Variants in ZNF195 observed in about 807,000 individuals in gnomAD.
ZNF195 encodes the protein zinc finger protein 195, also known as hypoxia-regulated factor-1.
In ZNF195, 11 loss-of-function variants were observed where a neutral mutation model predicts 19.5. The observed-to-expected ratio is 0.57, with a 90% CI of 0.36 to 0.94. The LOEUF is 0.94. ZNF195 is among the 40% of genes least tolerant of loss of function. The pLI is 0.01. For missense variants in ZNF195, 582 were observed against 709.0 expected (o/e 0.82, Z 2.03); for synonymous variants, 214 against 248.1 (o/e 0.86, Z 1.29).
chr11:3,359,123 T>C lies in ZNF195; in HGVS notation c.1885A>G (p.Thr629Ala), dbSNP rs781066718. Residue 629 changes from threonine to alanine, a missense_variant, in exon 6 of 6, where the codon ACT (threonine) becomes GCT (alanine). Physicochemically the swap from Thr to Ala is moderately conservative, Grantham distance 58. This residue lies in a region of ZNF195 where 407 missense variants were observed against 530.5 expected (regional missense o/e 0.77). Transcript: ENST00000399602. The surrounding 1 kb of genome is among the most constrained non-coding windows in gnomAD (Gnocchi z 5.5). ...SHLTVHESIHT is the reference protein window; with the variant it reads ...SHLTVHESIHA ...TATATTTGTTTATTTTTTTCTCAAG[T>C]ATGAATGCTTTCATGTACAGTCAGG... The C allele has an allele frequency of 6.5e-7, 1 of 1,548,604 alleles. No homozygotes were observed. The highest frequency in any genetic ancestry group is 8.7e-7 in the Non-Finnish European group (1 of 1,150,708).
At chr11:3,368,260 G>A (rs1480192423) in intron 3 of ZNF195, among the ~76,000 whole-genome samples, 3 of 152,176 alleles carry the variant, frequency 2.0e-5, no homozygotes, top group South Asian at 2.1e-4. Context: ...TGGACCCTGG[G>A]TTATATATTC....
At position 3,359,494 on chromosome 11, in the gene ZNF195, T is replaced by G; in HGVS notation, c.1514A>C (p.Gln505Pro). The change falls in exon 6 of 6, where the codon CAG (glutamine) becomes CCG (proline). Residue 505 changes from glutamine (Q) to proline (P), a missense_variant. This residue lies in a region of ZNF195 where 407 missense variants were observed against 530.5 expected (regional missense o/e 0.77). Transcript: ENST00000399602. This position sits in a 1 kb window ranked among gnomAD's most constrained non-coding sequence, Gnocchi z 5.5. ...CTTATGCTTAGTGAGGTCTGATAAC[T>G]GCTTAAAGATGTTGCCACATTCTTC... ...TCEECGNIFKQLSDLTKHKKT... is the reference protein window; with the variant it reads ...TCEECGNIFKPLSDLTKHKKT... The G allele has an allele frequency of 5.0e-6, 8 of 1,614,166 alleles. No individual in the cohort carries two copies. Among genetic ancestry groups the G allele is most frequent in the Non-Finnish European group, 6.8e-6 (8 of 1,180,012 alleles).
chr11:3,377,565 G>A (rs7932797), intron 1 of ZNF195: 1,075,717 of 1,088,448 alleles, frequency 0.99, 531,596 homozygotes, highest in East Asian at 1. Context: ...TGTGTCTCCA[G>A]GGATTGAAAG....
At chr11:3,371,468 G>C in intron 2 of ZNF195, 109 bp downstream of exon 2, 1 of 1,405,366 alleles carries the variant, frequency 7.1e-7, no homozygotes, top group Non-Finnish European at 9.8e-7. Context: ...TAAAAGCAGG[G>C]ATCTGAAACT....
rs1849619411 is a variant in ZNF195, at chr11:3,379,019, G to T, written c.3+19C>A. 3 of 1,457,898 alleles carry T rather than the reference G, an allele frequency of 2.1e-6. No individual in the cohort carries two copies. Among genetic ancestry groups the T allele is most frequent in the Non-Finnish European group, 2.7e-6 (3 of 1,092,004 alleles). 90.3% of individuals were successfully genotyped at this position (1,457,898 alleles called of 1,614,324 possible). A position where few individuals can be genotyped will look rare whatever the true frequency, so the allele number is the denominator to read the frequency against. ...TCCGCCCCTCCCTGTCTCTCAGGAG[G>T]CCTGGCCCCTACACTCACCATCTCC... On this transcript the variant is annotated intron_variant, in intron 1 of 5. Coordinates refer to ENST00000399602, the MANE Select transcript of ZNF195 (RefSeq NM_001130520.3).
intron 1 of ZNF195, among the ~76,000 whole-genome samples, chr11:3,377,433 G>A (rs1160261180): frequency 2.0e-5 from 3 of 152,192 alleles, no homozygotes; most frequent in Non-Finnish European, 4.4e-5. Context: ...CCATCTCACG[G>A]GGTGGAGTTT....
intron 1 of ZNF195, among the ~76,000 whole-genome samples, chr11:3,374,739 G>C (rs1426600321): frequency 6.6e-6 from 1 of 152,184 alleles, no homozygotes; most frequent in African/African-American, 2.4e-5. Context: ...TAAAAGTGTA[G>C]TGATAAAAGC....
chr11:3,376,332 T>C (rs1278314078), intron 1 of ZNF195, among the ~76,000 whole-genome samples: 1 of 147,810 alleles, frequency 6.8e-6, no homozygotes, highest in African/African-American at 2.5e-5. Flanking sequence ...AGCTGATAAC[T>C]GAAAAAAAAA....
At position 3,360,402 on chromosome 11, in the gene ZNF195, A is replaced by T; in HGVS notation, c.606T>A (p.Asn202Lys). 1 of 1,612,554 alleles carries T rather than the reference A, an allele frequency of 6.2e-7. No homozygotes were observed. Among genetic ancestry groups the T allele is most frequent in the Non-Finnish European group, 8.5e-7 (1 of 1,179,608 alleles). The change falls in exon 6 of 6, where the codon AAT becomes AAA. Residue 202 changes from asparagine (N) to lysine (K), a missense_variant. This residue lies in a region of ZNF195 where 407 missense variants were observed against 530.5 expected (regional missense o/e 0.77). Transcript: ENST00000399602. ...LDECKLQKDY[N>K]GLNQCSSTTH... ...TAGTTGATGAACATTGGTTAAGTCC[A>T]TTATAATCTTTTTGCAACTTACACT...
chr11:3,361,911 T>C (rs550654333), intron 3 of ZNF195, 22 bp from the exon 4 acceptor site: 3 of 415,386 alleles, frequency 7.2e-6, no homozygotes, highest in Admixed American at 5.7e-5. Flanking sequence ...ACAAAAAAAT[T>C]AGCTGTGTAT....
At position 3,360,169 on chromosome 11, in the gene ZNF195, G is replaced by C. The variant is rs866480056; in HGVS notation, c.839C>G (p.Thr280Ser). 6.2e-7 allele frequency: 1 copy of C among 1,613,682 alleles called. No homozygotes were observed. The highest frequency in any genetic ancestry group is 8.5e-7 in the Non-Finnish European group (1 of 1,179,894). ...AGTAAAGTGTGAGCACTGGATAAAG[G>C]TTTTGCCACATTCTCCACATTTTTG... ...KFQKCGECGK[T>S]FIQCSHFTEP... The change falls in exon 6 of 6, where the codon ACC becomes AGC. Residue 280 changes from threonine to serine, a missense_variant. Thr to Ser is a moderately conservative substitution (Grantham distance 58). Coordinates refer to ENST00000399602, the MANE Select transcript of ZNF195 (RefSeq NM_001130520.3).
At position 3,375,917 on chromosome 11, in the gene ZNF195, A is replaced by G. The variant is rs146976094; in HGVS notation, c.3+3121T>C. 4.0e-3 allele frequency among the ~76,000 whole-genome samples: 604 copies of G among 152,342 alleles called. 3 individuals are homozygous for G. Among genetic ancestry groups the G allele is most frequent in the African/African-American group, 0.014 (574 of 41,578 alleles). ...GTCCAAAAGACTCCAGGTGCTGGTGAGAGAGTTCCTGGTGACCCTGCACAG... is the reference window on the plus strand; with the variant it reads ...GTCCAAAAGACTCCAGGTGCTGGTGGGAGAGTTCCTGGTGACCCTGCACAG... On this transcript the variant is annotated intron_variant, in intron 1 of 5. Transcript: ENST00000399602.
intron 3 of ZNF195, among the ~76,000 whole-genome samples, chr11:3,369,996 T>G (rs1849113979): frequency 6.6e-6 from 1 of 152,184 alleles, no homozygotes; most frequent in Non-Finnish European, 1.5e-5. Flanking sequence ...ATATACACAA[T>G]TTTTATTTCT....
Position 3,360,704 on chromosome 11 carries a change from A to G in ZNF195, c.442+16T>C. On this transcript the variant is annotated intron_variant, in intron 5 of 5. Transcript: ENST00000399602. ...CAGGCCCTAATTTCTGTATAAACAT[A>G]TAAATGTAACAATACCTAGTGAGAA... 4 of 1,551,220 alleles carry G rather than the reference A, an allele frequency of 2.6e-6. No homozygotes were observed. The highest frequency in any genetic ancestry group is 3.5e-6 in the Non-Finnish European group (4 of 1,146,842).
chr11:3,377,635 G>T, intron 1 of ZNF195: 1 of 1,237,884 alleles, frequency 8.1e-7, no homozygotes, highest in South Asian at 1.4e-5. Context: ...AGGAAGAGTA[G>T]ACCAGGAGAT....
intron 4 of ZNF195, among the ~76,000 whole-genome samples, chr11:3,361,412 AC>A (rs1257063160): frequency 6.6e-6 from 1 of 152,242 alleles, no homozygotes; most frequent in African/African-American, 2.4e-5. Context: ...GCATAAATTA[AC>A]TGAAGAAAAT....
In ZNF195 at chr11:3,371,650, T is replaced by C; in HGVS notation, c.57A>G (p.Lys19=). The C allele has an allele frequency of 1.9e-6, 3 of 1,613,858 alleles. No individual in the cohort carries two copies. Among genetic ancestry groups the C allele is most frequent in the South Asian group, 2.2e-5 (2 of 91,054 alleles). Residue 19 remains lysine (K), a synonymous_variant, in exon 2 of 6, where the codon AAA becomes AAG. Transcript: ENST00000399602. ...AATTCTGCTGAGCGAGGTCCAGGCA[T>C]TTCCACTCCTCCAGGGAGAATTCTA... The part of the protein sequence containing the change: ...VAIEFSLEEW[K]CLDLAQQNLY...
At chr11:3,366,195 C>T (rs1263693576) in intron 3 of ZNF195, among the ~76,000 whole-genome samples, 1 of 137,354 alleles carries the variant, frequency 7.3e-6, no homozygotes. Context: ...ACCCAGGAGG[C>T]AGAGCTTGCA....
In ZNF195 at chr11:3,379,035, C is replaced by T. The variant is rs1849620834; in HGVS notation, c.3+3G>A. ...TCTCAGGAGGCCTGGCCCCTACACTCACCATCTCCTGGCCTCCAGAGAGCC... is the reference window on the plus strand; with the variant it reads ...TCTCAGGAGGCCTGGCCCCTACACTTACCATCTCCTGGCCTCCAGAGAGCC... On this transcript the variant is annotated splice_donor_region_variant and intron_variant, in intron 1 of 5. Coordinates refer to ENST00000399602, the MANE Select transcript of ZNF195 (RefSeq NM_001130520.3). 1.3e-6 allele frequency: 2 copies of T among 1,495,170 alleles called. No homozygotes were observed. Among genetic ancestry groups the T allele is most frequent in the South Asian group, 1.3e-5 (1 of 76,104 alleles). The allele number at this position is 1,495,170 out of a possible 1,614,324, so 92.6% of individuals were successfully genotyped here. A position where few individuals can be genotyped will look rare whatever the true frequency, so the allele number is the denominator to read the frequency against.
Sources: allele counts gnomAD v4.1 joint callset (sites outside exome capture counted in the v4.1 genomes callset), GRCh38; gene constraint gnomAD v4.1.1; regional missense constraint gnomAD v4.1.1; non-coding constraint Gnocchi (gnomAD v3.1); transcripts MANE v1.5; gene names NCBI Gene and HGNC (gene_info 2026-07-23, HGNC 2026-07-21).